The following MAPK10 variants were observed in gnomAD, a reference collection of about 807,000 sequenced individuals.
The protein encoded by MAPK10 is JNK3 alpha protein kinase.
A neutral mutation model predicts 59.3 loss-of-function variants in MAPK10; 25 were observed. The ratio of observed to expected loss-of-function variants is 0.42; its 90% CI spans 0.31 to 0.59. MAPK10 has a LOEUF of 0.59. Among genes scored for constraint, MAPK10 ranks in the 20% least tolerant of loss-of-function variants. MAPK10 has a pLI of 0.15. For missense variants in MAPK10, 351 were observed against 568.9 expected, an observed-to-expected ratio of 0.62 and a Z score of 3.90; for synonymous variants, 190 against 200.5, an observed-to-expected ratio of 0.95 and a Z score of 0.44.
intron 2 of MAPK10, among the ~76,000 whole-genome samples, chr4:86,214,946 A>C (rs1192463958): frequency 6.6e-6 from 1 of 152,154 alleles, no homozygotes; most frequent in African/African-American, 2.4e-5. Context: ...AAGGAGACTT[A>C]AGTAGCCAAA....
intron 1 of MAPK10, among the ~76,000 whole-genome samples, chr4:86,557,263 T>C (rs2149102752): frequency 6.6e-6 from 1 of 152,198 alleles, no homozygotes; most frequent in East Asian, 1.9e-4. Context: ...AGTCTCTTTT[T>C]CTTGACCACA....
At chr4:86,340,259 TATTA>T (rs60640834) in intron 2 of MAPK10, 109,158 of 151,562 alleles carry the variant, frequency 0.72, 40,089 homozygotes, top group South Asian at 0.9. Context: ...TCACATATTG[TATTA>T]GTTCGTTTTC....
At chr4:86,551,547 CCTT>C (rs1191063240) in intron 1 of MAPK10, among the ~76,000 whole-genome samples, 2 of 151,496 alleles carry the variant, frequency 1.3e-5, no homozygotes, top group Admixed American at 6.6e-5. Context: ...TTCCTTCCTT[CCTT>C]CTTTCCTTCC....
At chr4:86,205,316 G>A (rs941752190) in intron 2 of MAPK10, among the ~76,000 whole-genome samples, 1 of 151,952 alleles carries the variant, frequency 6.6e-6, no homozygotes, top group African/African-American at 2.4e-5. Flanking sequence ...TATGCACTTA[G>A]CATTACCTCA....
At chr4:86,321,297 G>A (rs2095884767) in intron 2 of MAPK10, among the ~76,000 whole-genome samples, 1 of 151,816 alleles carries the variant, frequency 6.6e-6, no homozygotes, top group Admixed American at 6.6e-5. Context: ...TATGTTTATT[G>A]CGGCACTATT....
intron 1 of MAPK10, among the ~76,000 whole-genome samples, chr4:86,521,306 C>T (rs1028874519): frequency 6.6e-6 from 1 of 152,074 alleles, no homozygotes; most frequent in Non-Finnish European, 1.5e-5. Context: ...CTATGTTGGC[C>T]AGAATGAGTA....
rs1339803211 is a variant in MAPK10 at position 86,017,814 on chromosome 4, C to T, written c.1253-444G>A. Among the ~76,000 whole-genome samples, 1 of 152,138 alleles carries T rather than the reference C, an allele frequency of 6.6e-6. No homozygotes were observed. The highest frequency in any genetic ancestry group is 1.5e-5 in the Non-Finnish European group (1 of 68,014). ...CTCGGCTCACTGCAACCTCTGCCTCCCAGGTTCAAGCTATTCTCCTGCCTC... is the reference window on the plus strand; with the variant it reads ...CTCGGCTCACTGCAACCTCTGCCTCTCAGGTTCAAGCTATTCTCCTGCCTC... On this transcript the variant is annotated intron_variant, in intron 13 of 13. Transcript: ENST00000641462. This position sits in a 1 kb window ranked among gnomAD's most constrained non-coding sequence, Gnocchi z 4.4.
intron 1 of MAPK10, among the ~76,000 whole-genome samples, chr4:86,478,441 G>A (rs1753305075): frequency 6.6e-6 from 1 of 152,170 alleles, no homozygotes; most frequent in South Asian, 2.1e-4. Context: ...TCTGTGTGCA[G>A]TGGCCACCAC....
intron 2 of MAPK10, among the ~76,000 whole-genome samples, chr4:86,318,032 G>A (rs1019843973): frequency 2.0e-5 from 3 of 152,038 alleles, no homozygotes; most frequent in Non-Finnish European, 4.4e-5. Flanking sequence ...ATGTGTCTGC[G>A]TCTCTGTGTC....
intron 2 of MAPK10, among the ~76,000 whole-genome samples, chr4:86,338,097 C>G (rs530760317): frequency 1.3e-5 from 2 of 152,096 alleles, no homozygotes; most frequent in Admixed American, 6.5e-5. Context: ...AGTGTCCCCC[C>G]ACTTCCCCTC....
rs559612804 is a variant in MAPK10 at position 86,397,725 on chromosome 4, A to G, written c.-121-43081T>C. ...TTTTTCTGTATGTTAATAGGTATTTATTTGACCCTTAGCCTTTGCACTCAA... is the reference window on the plus strand; with the variant it reads ...TTTTTCTGTATGTTAATAGGTATTTGTTTGACCCTTAGCCTTTGCACTCAA... On this transcript the variant is annotated intron_variant, in intron 1 of 13. Transcript: ENST00000361569. 3.3e-5 allele frequency among the ~76,000 whole-genome samples: 5 copies of G among 152,100 alleles called. No homozygotes were observed. The East Asian group carries it at 9.7e-4, about 29-fold the overall frequency.
intron 1 of MAPK10, among the ~76,000 whole-genome samples, chr4:86,468,453 T>C (rs145507999): frequency 3.9e-5 from 6 of 152,318 alleles, no homozygotes; most frequent in African/African-American, 1.2e-4. Flanking sequence ...TTGAATTATT[T>C]TATAATATGA....
At chr4:86,136,003 T>A (rs966391506) in intron 4 of MAPK10, among the ~76,000 whole-genome samples, 7 of 152,110 alleles carry the variant, frequency 4.6e-5, no homozygotes, top group African/African-American at 1.7e-4. Flanking sequence ...TAAAAAGAAA[T>A]GAACAAAGCT....
intron 2 of MAPK10, among the ~76,000 whole-genome samples, chr4:86,235,394 T>C (rs541088109): frequency 6.6e-6 from 1 of 152,246 alleles, no homozygotes; most frequent in Non-Finnish European, 1.5e-5. Flanking sequence ...GCTTGTGGGG[T>C]ACCCATAAAG....
chr4:86,548,227 T>C (rs765896391), intron 1 of MAPK10, among the ~76,000 whole-genome samples: 7 of 151,680 alleles, frequency 4.6e-5, no homozygotes, highest in Non-Finnish European at 1.0e-4. Flanking sequence ...ACGCGCTGCC[T>C]TAAGAGCTGT....
intron 1 of MAPK10, among the ~76,000 whole-genome samples, chr4:86,389,172 C>G (rs939238666): frequency 2.0e-5 from 3 of 152,056 alleles, no homozygotes; most frequent in African/African-American, 7.2e-5. Context: ...CAGCTCCCCC[C>G]ACCCTCTTGC....
At chr4:86,507,484 C>T (rs938572341) in intron 1 of MAPK10, among the ~76,000 whole-genome samples, 4 of 150,760 alleles carry the variant, frequency 2.7e-5, no homozygotes, top group Non-Finnish European at 4.4e-5. Context: ...CTCAGTATCT[C>T]GCCTAGAGAA....
At chr4:86,118,152 G>T (rs1469240187) in intron 4 of MAPK10, among the ~76,000 whole-genome samples, 1 of 152,068 alleles carries the variant, frequency 6.6e-6, no homozygotes, top group Admixed American at 6.6e-5. Flanking sequence ...CCCATTTTCT[G>T]TAATTCCTCA....
chr4:86,128,008 T>C (rs1025328567), intron 4 of MAPK10, among the ~76,000 whole-genome samples: 10 of 152,076 alleles, frequency 6.6e-5, no homozygotes, highest in Admixed American at 3.9e-4. Context: ...GCACTGGGAT[T>C]AGATTTCTTT....
Sources: allele counts gnomAD v4.1 joint callset (sites outside exome capture counted in the v4.1 genomes callset), GRCh38; gene constraint gnomAD v4.1.1; non-coding constraint Gnocchi (gnomAD v3.1); transcripts MANE v1.5; gene names NCBI Gene and HGNC (gene_info 2026-07-23, HGNC 2026-07-21).